LIMCH1: variants seen among roughly 807,000 people sequenced by gnomAD.
LIMCH1 encodes the protein LIM and calponin homology domains-containing protein 1.
A neutral mutation model predicts 176.5 loss-of-function variants in LIMCH1; 113 were observed. That is an observed-to-expected ratio of 0.64 (90% CI 0.55 to 0.75). LIMCH1 has a LOEUF of 0.75. Among genes scored for constraint, LIMCH1 ranks in the 30% least tolerant of loss-of-function variants. The pLI, the probability that LIMCH1 is intolerant of heterozygous loss-of-function variation, is 0.00. For missense variants in LIMCH1, 1,674 were observed against 1,814.9 expected, an observed-to-expected ratio of 0.92 and a Z score of 1.41; for synonymous variants, 619 against 645.9, an observed-to-expected ratio of 0.96 and a Z score of 0.63.
rs1471931665 is a variant in LIMCH1, at chr4:41,400,187, A to AT, written c.96+39257dup. On this transcript the variant is annotated intron_variant, in intron 1 of 26. Transcript: ENST00000313860. ...AAATATACAACTGAAATTATTTTGC[A>AT]TTTTTTAAAGAAACAGTAGCAATAG... Among the ~76,000 whole-genome samples, 3 of 152,076 alleles carry AT rather than the reference A, an allele frequency of 2.0e-5. No homozygotes were observed. In the East Asian group the frequency reaches 5.8e-4, roughly 29 times the overall value.
At chr4:41,612,960 A>C in intron 4 of LIMCH1, 1 of 1,540,268 alleles carries the variant, frequency 6.5e-7, no homozygotes, top group South Asian at 1.2e-5. Context: ...CCAGGATTTT[A>C]CAGAACTGAT....
chr4:41,576,369 C>G (rs2084467842), intron 1 of LIMCH1, among the ~76,000 whole-genome samples: 1 of 151,948 alleles, frequency 6.6e-6, no homozygotes, highest in East Asian at 1.9e-4. Context: ...ATGGTGACAA[C>G]CTTTAGGGAG....
intron 2 of LIMCH1, among the ~76,000 whole-genome samples, chr4:41,507,712 T>G (rs1227122552): frequency 6.6e-5 from 10 of 152,120 alleles, no homozygotes; most frequent in Non-Finnish European, 1.3e-4. Context: ...GAGTAGGCTG[T>G]GTTTGGCACA....
chr4:41,381,263 G>C (rs1164343639), intron 1 of LIMCH1, among the ~76,000 whole-genome samples: 1 of 152,172 alleles, frequency 6.6e-6, no homozygotes, highest in Non-Finnish European at 1.5e-5. Context: ...TTAAATAACT[G>C]TACAGCACAG....
intron 1 of LIMCH1, among the ~76,000 whole-genome samples, chr4:41,472,318 TTCCC>T (rs1021196722): frequency 9.9e-5 from 15 of 151,256 alleles, no homozygotes; most frequent in South Asian, 4.2e-4. Context: ...AGCCAGTTCC[TTCCC>T]TCCCTCCCTC....
chr4:41,619,996 T>A (rs531326814), intron 6 of LIMCH1: 1 of 188,540 alleles, frequency 5.3e-6, no homozygotes, highest in Non-Finnish European at 1.1e-5. Context: ...CAGCAAGTAC[T>A]TATTGAGCAT....
intron 2 of LIMCH1, among the ~76,000 whole-genome samples, chr4:41,521,415 T>A (rs1561620151): frequency 6.6e-6 from 1 of 152,188 alleles, no homozygotes; most frequent in Non-Finnish European, 1.5e-5. Flanking sequence ...TAACATATCA[T>A]CAGCATAATC....
intron 1 of LIMCH1, among the ~76,000 whole-genome samples, chr4:41,373,948 C>A (rs1408429442): frequency 6.6e-6 from 1 of 152,176 alleles, no homozygotes; most frequent in Non-Finnish European, 1.5e-5. Context: ...CTCTCTCTTC[C>A]TCCTGTTCCT....
intron 4 of LIMCH1, chr4:41,613,006 GA>G (rs951839276): frequency 9.2e-5 from 142 of 1,551,580 alleles, no homozygotes; most frequent in Non-Finnish European, 1.1e-4. Flanking sequence ...GTATTTGCCA[GA>G]TAGTATAAAC....
chr4:41,666,925 G>T (rs2094847826), intron 21 of LIMCH1, among the ~76,000 whole-genome samples: 1 of 152,120 alleles, frequency 6.6e-6, no homozygotes, highest in Non-Finnish European at 1.5e-5. Context: ...GCCTATACAA[G>T]TGTTAGAGCT....
At chr4:41,573,672 C>T (rs574436374) in intron 1 of LIMCH1, among the ~76,000 whole-genome samples, 1 of 152,306 alleles carries the variant, frequency 6.6e-6, no homozygotes, top group East Asian at 1.9e-4. Flanking sequence ...TATAAATCAA[C>T]TTGTGATGAG....
intron 1 of LIMCH1, among the ~76,000 whole-genome samples, chr4:41,428,316 A>G (rs1360804869): frequency 1.3e-5 from 2 of 152,224 alleles, no homozygotes; most frequent in Non-Finnish European, 2.9e-5. Flanking sequence ...TGGTAATAAT[A>G]GTAGTACCTC....
At chr4:41,457,280 G>A (rs527999913) in intron 1 of LIMCH1, among the ~76,000 whole-genome samples, 20 of 151,962 alleles carry the variant, frequency 1.3e-4, no homozygotes, top group Non-Finnish European at 2.1e-4. Context: ...TGATTATCTT[G>A]TTGAATAGGT....
intron 1 of LIMCH1, among the ~76,000 whole-genome samples, chr4:41,455,512 C>T (rs1181079240): frequency 6.6e-6 from 1 of 152,174 alleles, no homozygotes; most frequent in Admixed American, 6.5e-5. Flanking sequence ...TTGTTTCTTT[C>T]TAATCAGCTT....
intron 18 of LIMCH1, among the ~76,000 whole-genome samples, chr4:41,653,919 C>T (rs2094387209): frequency 6.6e-6 from 1 of 152,206 alleles, no homozygotes; most frequent in African/African-American, 2.4e-5. Context: ...AGATAATTCC[C>T]AGTCATCTTC....
chr4:41,544,237 A>G (rs2079063847), intron 1 of LIMCH1, among the ~76,000 whole-genome samples: 1 of 152,226 alleles, frequency 6.6e-6, no homozygotes, highest in South Asian at 2.1e-4. Flanking sequence ...GAAAGAGTTT[A>G]AAAACATAGT....
intron 4 of LIMCH1, among the ~76,000 whole-genome samples, chr4:41,610,282 G>C (rs1380651434): frequency 6.6e-6 from 1 of 152,182 alleles, no homozygotes; most frequent in African/African-American, 2.4e-5. Flanking sequence ...TTATTTTCTT[G>C]AAAGTCCAGT....
chr4:41,526,964 T>G (rs975125125), intron 3 of LIMCH1, among the ~76,000 whole-genome samples: 17 of 152,222 alleles, frequency 1.1e-4, no homozygotes, highest in African/African-American at 3.6e-4. Flanking sequence ...TTCACTCCCA[T>G]GAATGGTGCC....
At chr4:41,434,213 A>G (rs887300306) in intron 1 of LIMCH1, among the ~76,000 whole-genome samples, 2 of 152,186 alleles carry the variant, frequency 1.3e-5, no homozygotes, top group African/African-American at 4.8e-5. Context: ...GGCTTAGGCT[A>G]GGAACTGGGT....
Sources: gnomAD v4.1 joint callset for allele counts (sites outside exome capture counted in the v4.1 genomes callset) on GRCh38, gnomAD v4.1.1 for gene constraint, MANE v1.5 for transcripts, NCBI Gene and HGNC (gene_info 2026-07-23, HGNC 2026-07-21) for gene names.